Variants in NPAP1 observed in about 807,000 individuals in gnomAD.
NPAP1 encodes nuclear pore-associated protein 1.
For synonymous variants in NPAP1, 616 were observed against 581.4 expected, an observed-to-expected ratio of 1.06 and a Z score of -0.86; for missense variants, 1,483 against 1,454.5, an observed-to-expected ratio of 1.02 and a Z score of -0.32.
Position 24,682,566 on chromosome 15 carries a change from A to G in NPAP1, c.*3228A>G, listed in dbSNP as rs1384899424. 3 of 167,032 alleles carry G rather than the reference A, an allele frequency of 1.8e-5. No homozygotes were observed. The allele number at this position is 167,032 out of a possible 1,614,324, so 10.3% of individuals were successfully genotyped here. On this transcript the variant is annotated 3_prime_UTR_variant, in exon 1 of 1. Coordinates refer to ENST00000329468, the MANE Select transcript of NPAP1 (RefSeq NM_018958.3). Reference sequence around the variant, plus strand: ...CATAATATCAATTTAAATAATACTGAAAGTCAACCTTCCTACCACAGTTCC... The same window carrying G: ...CATAATATCAATTTAAATAATACTGGAAGTCAACCTTCCTACCACAGTTCC...
In NPAP1 at chr15:24,677,363, C is replaced by G. The variant is rs539082641; in HGVS notation, c.1496C>G (p.Thr499Arg). The change falls in exon 1 of 1, where the codon ACA becomes AGA. Residue 499 changes from threonine (T) to arginine (R), a missense_variant. Coordinates refer to ENST00000329468, the MANE Select transcript of NPAP1 (RefSeq NM_018958.3). ...GCGCCTCTCACTTCTGACCCCCCAA[C>G]ACCTCCTAGCTCCACACCCTCCTTC... ...GAAPLTSDPP[T>R]PPSSTPSFKP... The G allele has an allele frequency of 2.5e-6, 4 of 1,613,938 alleles. No individual in the cohort carries two copies. The highest frequency in any genetic ancestry group is 1.6e-4 in the Middle Eastern group (1 of 6,062).
chr15:24,677,726 A>G lies in NPAP1; in HGVS notation c.1859A>G (p.Tyr620Cys), dbSNP rs2048986862. 3 of 1,614,176 alleles carry G rather than the reference A, an allele frequency of 1.9e-6. No homozygotes were observed. The highest frequency in any genetic ancestry group is 2.5e-6 in the Non-Finnish European group (3 of 1,180,030). Residue 620 changes from tyrosine (Y) to cysteine (C), a missense_variant, in exon 1 of 1, where the codon TAC becomes TGC. By Grantham distance (194) the Tyr-to-Cys change is radical. Coordinates refer to ENST00000329468, the MANE Select transcript of NPAP1 (RefSeq NM_018958.3). Reference protein sequence around the residue: ...EQRHPGKTSVYTSPLPFIFHN... With the variant: ...EQRHPGKTSVCTSPLPFIFHN... Reference sequence around the variant, plus strand: ...AGGCACCCGGGAAAGACATCAGTCTACACATCCCCACTTCCATTTATATTC... The same window carrying G: ...AGGCACCCGGGAAAGACATCAGTCTGCACATCCCCACTTCCATTTATATTC...
chr15:24,677,900 C>T lies in NPAP1; in HGVS notation c.2033C>T (p.Thr678Ile), dbSNP rs780116610. 1.2e-6 allele frequency: 2 copies of T among 1,613,704 alleles called. No individual in the cohort carries two copies. The highest frequency in any genetic ancestry group is 1.3e-5 in the African/African-American group (1 of 74,768). ...LSLPIIPPPD[T>I]STLVNSASTA... Reference sequence around the variant, plus strand: ...CTTCCCATCATTCCTCCTCCAGACACCTCCACTTTAGTGAACAGTGCCTCT... The same window carrying T: ...CTTCCCATCATTCCTCCTCCAGACATCTCCACTTTAGTGAACAGTGCCTCT... The change falls in exon 1 of 1, where the codon ACC becomes ATC. Residue 678 changes from threonine to isoleucine, a missense_variant. Transcript: ENST00000329468.
Position 24,676,259 on chromosome 15 carries a change from G to A in NPAP1, c.392G>A (p.Arg131His), listed in dbSNP as rs1049852251. The A allele has an allele frequency of 2.0e-6, 3 of 1,518,970 alleles. No homozygotes were observed. Among genetic ancestry groups the A allele is most frequent in the Non-Finnish European group, 8.8e-7 (1 of 1,135,480 alleles). 94.1% of individuals were successfully genotyped at this position (1,518,970 alleles called of 1,614,324 possible). A position where few individuals can be genotyped will look rare whatever the true frequency, so the allele number is the denominator to read the frequency against. Residue 131 changes from arginine to histidine, a missense_variant, in exon 1 of 1, where the codon CGT becomes CAT. Coordinates refer to ENST00000329468, the MANE Select transcript of NPAP1 (RefSeq NM_018958.3). ...RMFTLLLPSP[R>H]EPAVKARKPI... ...TTCACTCTCCTGCTGCCTTCACCAC[G>A]TGAGCCGGCGGTCAAGGCCAGGAAG...
chr15:24,678,278 C>A lies in NPAP1; in HGVS notation c.2411C>A (p.Ser804Tyr), dbSNP rs1467395962. The A allele has an allele frequency of 1.2e-5, 20 of 1,613,798 alleles. No individual in the cohort carries two copies. Among genetic ancestry groups the A allele is most frequent in the Non-Finnish European group, 1.6e-5 (19 of 1,179,904 alleles). ...SLPIMVPPDT[S>Y]TLVSSASAAS... ...CCTATCATGGTTCCTCCAGACACCT[C>A]CACTTTAGTGAGCAGTGCCTCTGCA... Residue 804 changes from serine (S) to tyrosine (Y), a missense_variant, in exon 1 of 1, where the codon TCC becomes TAC. Ser to Tyr is a moderately radical substitution (Grantham distance 144). Transcript: ENST00000329468.
rs1404902754 is a variant in NPAP1, at chr15:24,679,195, A to G, written c.3328A>G (p.Ile1110Val). Residue 1110 changes from isoleucine to valine, a missense_variant, in exon 1 of 1, where the codon ATA becomes GTA. By Grantham distance (29) the Ile-to-Val change is conservative. Transcript: ENST00000329468. Reference sequence around the variant, plus strand: ...TATGGGAGGGGATGGCACCAGATCCATAGTTGGAGGCCCTTGTGTTCCTGC... The same window carrying G: ...TATGGGAGGGGATGGCACCAGATCCGTAGTTGGAGGCCCTTGTGTTCCTGC... ...SGMGGDGTRS[I>V]VGGPCVPAFQ... 3.7e-6 allele frequency: 6 copies of G among 1,614,098 alleles called. No homozygotes were observed. The Middle Eastern group carries it at 4.9e-4, about 133-fold the overall frequency.
chr15:24,677,875 C>A lies in NPAP1; in HGVS notation c.2008C>A (p.Leu670Ile). 6.2e-7 allele frequency: 1 copy of A among 1,613,650 alleles called. No individual in the cohort carries two copies. Among genetic ancestry groups the A allele is most frequent in the Non-Finnish European group, 8.5e-7 (1 of 1,179,952 alleles). Residue 670 changes from leucine to isoleucine, a missense_variant, in exon 1 of 1, where the codon CTT (leucine) becomes ATT (isoleucine). Transcript: ENST00000329468. ...CCCCAGTGCCTGTGTTTTCCTGAGC[C>A]TTCCCATCATTCCTCCTCCAGACAC... is the stretch of plus-strand genomic sequence containing the variant. ...SLPSACVFLS[L>I]PIIPPPDTST... is the part of the protein sequence containing the mutation.
In NPAP1 at chr15:24,676,632, T is replaced by C. The variant is rs2048977743; in HGVS notation, c.765T>C (p.Pro255=). The change falls in exon 1 of 1, where the codon CCT becomes CCC. Residue 255 remains proline (P), a synonymous_variant. Coordinates refer to ENST00000329468, the MANE Select transcript of NPAP1 (RefSeq NM_018958.3). ...QAGCARHLGK[P]DPDATAPPEP... ...GATGTGCCCGGCATCTTGGAAAGCC[T>C]GATCCGGATGCAACAGCGCCCCCTG... The C allele has an allele frequency of 6.2e-7, 1 of 1,613,878 alleles. No homozygotes were observed. Among genetic ancestry groups the C allele is most frequent in the Non-Finnish European group, 8.5e-7 (1 of 1,179,928 alleles).
At position 24,681,466 on chromosome 15, in the gene NPAP1, A is replaced by G. The variant is rs1051832160; in HGVS notation, c.*2128A>G. The stretch of plus-strand genomic sequence containing the variant: ...ATTGATATTTTGAAGCCTAACTTCC[A>G]GTGTGATGGTATTAGGAGGTGAGGC... On this transcript the variant is annotated 3_prime_UTR_variant, in exon 1 of 1. Coordinates refer to ENST00000329468, the MANE Select transcript of NPAP1 (RefSeq NM_018958.3). 2 of 166,346 alleles carry G rather than the reference A, an allele frequency of 1.2e-5. No individual in the cohort carries two copies. Among genetic ancestry groups the G allele is most frequent in the Admixed American group, 6.5e-5 (1 of 15,298 alleles). 10.3% of individuals were successfully genotyped at this position (166,346 alleles called of 1,614,324 possible).
chr15:24,677,117 C>A lies in NPAP1; in HGVS notation c.1250C>A (p.Thr417Asn). ...TTDSLPLTTY[T>N]SQVSAPLPIP... ...GACTCCCTGCCCCTGACCACTTACA[C>A]TTCCCAGGTCTCAGCTCCTTTGCCC... The change falls in exon 1 of 1, where the codon ACT becomes AAT. Residue 417 changes from threonine to asparagine, a missense_variant. Transcript: ENST00000329468. 1.9e-6 allele frequency: 3 copies of A among 1,614,158 alleles called. No individual in the cohort carries two copies. The highest frequency in any genetic ancestry group is 2.5e-6 in the Non-Finnish European group (3 of 1,180,042).
At position 24,682,406 on chromosome 15, in the gene NPAP1, T is replaced by C. The variant is rs2141316104; in HGVS notation, c.*3068T>C. On this transcript the variant is annotated 3_prime_UTR_variant, in exon 1 of 1. Transcript: ENST00000329468. ...TTAAAAGGCTTCAAGCTAAATATTA[T>C]GATCCTGGTAAGACAAACTTTGAAT... is the stretch of plus-strand genomic sequence containing the variant. The C allele has an allele frequency of 6.0e-6, 1 of 166,776 alleles. No individual in the cohort carries two copies. Among genetic ancestry groups the C allele is most frequent in the South Asian group, 2.1e-4 (1 of 4,830 alleles). The allele number at this position is 166,776 out of a possible 1,614,324, so 10.3% of individuals were successfully genotyped here.
rs79339610 is a variant in NPAP1, at chr15:24,677,260, C to T, written c.1393C>T (p.Leu465Phe). Residue 465 changes from leucine (L) to phenylalanine (F), a missense_variant, in exon 1 of 1, where the codon CTT becomes TTT. Physicochemically the swap from Leu to Phe is conservative, Grantham distance 22. Transcript: ENST00000329468. ...AFTIPNSPLA[L>F]PADLVPILGD... ...CACAATCCCTAACTCTCCTCTGGCT[C>T]TTCCTGCTGACCTTGTTCCCATTTT... The T allele has an allele frequency of 7.6e-4, 1,231 of 1,614,136 alleles. 6 individuals carry two copies. The African/African-American group carries it at 0.012, about 16-fold the overall frequency.
rs534276748 is a variant in NPAP1, at chr15:24,682,302, C to T, written c.*2964C>T. 1 of 167,056 alleles carries T rather than the reference C, an allele frequency of 6.0e-6. No homozygotes were observed. Among genetic ancestry groups the T allele is most frequent in the South Asian group, 2.1e-4 (1 of 4,828 alleles). 10.3% of individuals were successfully genotyped at this position (167,056 alleles called of 1,614,324 possible). ...GCCTTTCAGAAGTAGAGTGGAAATC[C>T]AGTTTTCTTCTAATAGCCCTATACC... On this transcript the variant is annotated 3_prime_UTR_variant, in exon 1 of 1. Transcript: ENST00000329468.
chr15:24,675,882 T>C lies in NPAP1; in HGVS notation c.15T>C (p.Leu5=), dbSNP rs930274780. The C allele has an allele frequency of 2.6e-6, 4 of 1,566,616 alleles. No individual in the cohort carries two copies. The highest frequency in any genetic ancestry group is 2.4e-5 in the East Asian group (1 of 42,478). The change falls in exon 1 of 1, where the codon CTT becomes CTC. Residue 5 remains leucine (L), a synonymous_variant. Transcript: ENST00000329468. MGNL[L]SKFRPGCRRR... is the part of the protein sequence containing the mutation. ...GCTAGCTCTAAATGGGCAATTTACT[T>C]AGTAAATTTAGACCCGGGTGCCGCC...
chr15:24,680,316 G>A lies in NPAP1; in HGVS notation c.*978G>A, dbSNP rs2049009115. ...CAGCCTAGAGGAGCCAGCATTGTTA[G>A]TTAAATACTTGTGTTTGGATGGTCC... On this transcript the variant is annotated 3_prime_UTR_variant, in exon 1 of 1. Coordinates refer to ENST00000329468, the MANE Select transcript of NPAP1 (RefSeq NM_018958.3). The A allele has an allele frequency of 6.0e-6, 1 of 167,222 alleles. No homozygotes were observed. The highest frequency in any genetic ancestry group is 2.4e-5 in the African/African-American group (1 of 41,432). The allele number at this position is 167,222 out of a possible 1,614,324, so 10.4% of individuals were successfully genotyped here.
In NPAP1 at chr15:24,676,024, C is replaced by T. The variant is rs748668348; in HGVS notation, c.157C>T (p.Arg53Trp). The change falls in exon 1 of 1, where the codon CGG becomes TGG. Residue 53 changes from arginine (R) to tryptophan (W), a missense_variant. Coordinates refer to ENST00000329468, the MANE Select transcript of NPAP1 (RefSeq NM_018958.3). ...GCGCCCTTTCCGCGGCCTGTTCCGC[C>T]GGAACGCCCGTCGCAGGCCTTCAGC... ...TPRPFRGLFR[R>W]NARRRPSAAS... 5.0e-6 allele frequency: 8 copies of T among 1,597,910 alleles called. No homozygotes were observed. The East Asian group carries it at 1.4e-4, about 28-fold the overall frequency.
chr15:24,678,570 TGGG>T lies in NPAP1; in HGVS notation c.2705_2707del (p.Gly902del), dbSNP rs767423190. 2.5e-6 allele frequency: 4 copies of T among 1,613,972 alleles called. No individual in the cohort carries two copies. The African/African-American group carries it at 5.3e-5, about 22-fold the overall frequency. On this transcript the variant is annotated inframe_deletion, in exon 1 of 1. Coordinates refer to ENST00000329468, the MANE Select transcript of NPAP1 (RefSeq NM_018958.3). ...CAGGATCCATCTCTCATTCCACACTTGGGGCCACTGATGGGCAGCAGAAGTCTG... is the reference window on the plus strand; with the variant it reads ...CAGGATCCATCTCTCATTCCACACTTGCCACTGATGGGCAGCAGAAGTCTG...
At position 24,676,540 on chromosome 15, in the gene NPAP1, G is replaced by A. The variant is rs1328846386; in HGVS notation, c.673G>A (p.Ala225Thr). 6.2e-7 allele frequency: 1 copy of A among 1,614,066 alleles called. No homozygotes were observed. The change falls in exon 1 of 1, where the codon GCC (alanine) becomes ACC (threonine). Residue 225 changes from alanine (A) to threonine (T), a missense_variant. Physicochemically the swap from Ala to Thr is moderately conservative, Grantham distance 58. Coordinates refer to ENST00000329468, the MANE Select transcript of NPAP1 (RefSeq NM_018958.3). Reference sequence around the variant, plus strand: ...CTCAGAAAACAGCATGAGTGAGAAGGCCCAGGCGTCTCCAGCGAGCTCCTG... The same window carrying A: ...CTCAGAAAACAGCATGAGTGAGAAGACCCAGGCGTCTCCAGCGAGCTCCTG... ...KFSENSMSEK[A>T]QASPASSCLE...
rs2049001473 is a variant in NPAP1, at chr15:24,679,279, A to G, written c.3412A>G (p.Thr1138Ala). The G allele has an allele frequency of 6.2e-7, 1 of 1,613,918 alleles. No homozygotes were observed. The highest frequency in any genetic ancestry group is 8.5e-7 in the Non-Finnish European group (1 of 1,180,012). ...AGAGAGAAAATTCTACACTTCAAGC[A>G]CCCACTACTATGGACAAGAAACATA... ...WTERKFYTSS[T>A]HYYGQETYVR... Residue 1138 changes from threonine (T) to alanine (A), a missense_variant, in exon 1 of 1, where the codon ACC becomes GCC. Thr to Ala is a moderately conservative substitution (Grantham distance 58). Coordinates refer to ENST00000329468, the MANE Select transcript of NPAP1 (RefSeq NM_018958.3).
Sources: gnomAD v4.1 joint callset for allele counts on GRCh38, gnomAD v4.1.1 for gene constraint, MANE v1.5 for transcripts, NCBI Gene and HGNC (gene_info 2026-07-23, HGNC 2026-07-21) for gene names.